Variants in XKR4 observed in about 807,000 individuals in gnomAD.
XKR4 encodes the protein XK-related protein 4.
A neutral mutation model predicts 53.9 loss-of-function variants in XKR4; 12 were observed. That is an observed-to-expected ratio of 0.22 (90% CI 0.14 to 0.36). The LOEUF (loss-of-function observed/expected upper bound fraction) is 0.36, where lower values mean the gene tolerates loss of function less well. Ranked by LOEUF, XKR4 falls within the 10% of genes least tolerant of loss-of-function variation. The probability of loss-of-function intolerance (pLI) is 1.00; values close to 1 mark genes in which losing one functional copy is unlikely to be tolerated. For missense variants in XKR4, 799 were observed against 859.5 expected (o/e 0.93, Z 0.88); for synonymous variants, 354 against 362.4 (o/e 0.98, Z 0.26).
rs1340993371 is a variant in XKR4, at chr8:55,536,447, G to T, written c.*12220G>T. The T allele has an allele frequency of 2.6e-5, 4 of 152,194 alleles. No individual in the cohort carries two copies. The highest frequency in any genetic ancestry group is 2.6e-4 in the Admixed American group (4 of 15,276). The allele number at this position is 152,194 out of a possible 1,614,324, so 9.4% of individuals were successfully genotyped here. On this transcript the variant is annotated 3_prime_UTR_variant, in exon 3 of 3. Transcript: ENST00000327381. ...AAAAATAAAGACTGTCCACATGACT[G>T]CAAATATCCTGATGAAAAGTGGCCA... is the stretch of plus-strand genomic sequence containing the variant.
At chr8:55,450,378 G>T in intron 2 of XKR4, 1 of 630,896 alleles carries the variant, frequency 1.6e-6, no homozygotes. Flanking sequence ...GGACCTCTGT[G>T]TCCTCGGGTG....
At chr8:55,491,506 G>C (rs1210517051) in intron 2 of XKR4, among the ~76,000 whole-genome samples, 3 of 149,314 alleles carry the variant, frequency 2.0e-5, no homozygotes, top group African/African-American at 7.6e-5. Context: ...AACACTGGTA[G>C]GGCACATCTG....
chr8:55,454,264 G>T, intron 2 of XKR4: 2 of 1,305,500 alleles, frequency 1.5e-6, no homozygotes, highest in Non-Finnish European at 2.2e-6. Flanking sequence ...CTACAATCAC[G>T]TCTAGCAGCT....
intron 2 of XKR4, among the ~76,000 whole-genome samples, chr8:55,387,038 C>T (rs1411150548): frequency 1.3e-5 from 2 of 152,176 alleles, no homozygotes; most frequent in African/African-American, 2.4e-5. Context: ...TAGCTGGGCT[C>T]TCTTTGTCTC....
chr8:55,392,499 A>G lies in XKR4; in HGVS notation c.1006+34622A>G, dbSNP rs977656434. On this transcript the variant is annotated intron_variant, in intron 2 of 2. Coordinates refer to ENST00000327381, the MANE Select transcript of XKR4 (RefSeq NM_052898.2). ...AAAGTACATTCGAGTTACTATTAAA[A>G]ATTAAAAGAGGCCGAGCATGGTGGT... Among the ~76,000 whole-genome samples, 5 of 152,198 alleles carry G rather than the reference A, an allele frequency of 3.3e-5. No homozygotes were observed. In the East Asian group the frequency reaches 9.6e-4, roughly 29 times the overall value.
chr8:55,303,684 T>G (rs1819242425), intron 1 of XKR4, among the ~76,000 whole-genome samples: 1 of 152,230 alleles, frequency 6.6e-6, no homozygotes, highest in East Asian at 1.9e-4. Flanking sequence ...AGCCTGTTAT[T>G]GGTCTATTCA....
At chr8:55,326,314 T>C (rs1400994718) in intron 1 of XKR4, among the ~76,000 whole-genome samples, 1 of 152,150 alleles carries the variant, frequency 6.6e-6, no homozygotes, top group African/African-American at 2.4e-5. Context: ...AAATTCTAGT[T>C]CTCACAATAA....
At chr8:55,489,365 C>A (rs1321998171) in intron 2 of XKR4, among the ~76,000 whole-genome samples, 2 of 151,636 alleles carry the variant, frequency 1.3e-5, no homozygotes, top group African/African-American at 4.8e-5. Context: ...ACCATGTTAC[C>A]CTTTCAAAAA....
rs1282548094 is a variant in XKR4, at chr8:55,535,257, G to A, written c.*11030G>A. 1 of 150,428 alleles carries A rather than the reference G, an allele frequency of 6.6e-6. No homozygotes were observed. Among genetic ancestry groups the A allele is most frequent in the African/African-American group, 2.5e-5 (1 of 40,810 alleles). The allele number at this position is 150,428 out of a possible 1,614,324, so 9.3% of individuals were successfully genotyped here. ...TATTATTATTATACTTTAAGTTTTAGGGTACATGTGCACAACGTGCAGGTT... is the reference window on the plus strand; with the variant it reads ...TATTATTATTATACTTTAAGTTTTAAGGTACATGTGCACAACGTGCAGGTT... On this transcript the variant is annotated 3_prime_UTR_variant, in exon 3 of 3. Transcript: ENST00000327381.
At chr8:55,491,077 G>C (rs1160807053) in intron 2 of XKR4, among the ~76,000 whole-genome samples, 3 of 151,984 alleles carry the variant, frequency 2.0e-5, no homozygotes, top group Non-Finnish European at 4.4e-5. Context: ...ATGTATTCAA[G>C]CTCACTGACT....
rs933909462 is a variant in XKR4, at chr8:55,478,779, A to C, written c.1007-44502A>C. On this transcript the variant is annotated intron_variant, in intron 2 of 2. Coordinates refer to ENST00000327381, the MANE Select transcript of XKR4 (RefSeq NM_052898.2). ...TCTCTGATAAAACAGACTTTAAACC[A>C]ACAGAGATCAAAAGAGACAAAGAAG... is the stretch of plus-strand genomic sequence containing the variant. Among the ~76,000 whole-genome samples the C allele has an allele frequency of 5.4e-4, 82 of 152,272 alleles. 1 individual carries two copies. The highest frequency in any genetic ancestry group is 1.9e-3 in the African/African-American group (79 of 41,522).
In XKR4 at chr8:55,234,851, G is replaced by A. The variant is rs200381698; in HGVS notation, c.807-122827G>A. 9.8e-5 allele frequency among the ~76,000 whole-genome samples: 15 copies of A among 152,316 alleles called. No individual in the cohort carries two copies. The East Asian group carries it at 2.9e-3, about 29-fold the overall frequency. On this transcript the variant is annotated intron_variant, in intron 1 of 2. Coordinates refer to ENST00000327381, the MANE Select transcript of XKR4 (RefSeq NM_052898.2). The stretch of plus-strand genomic sequence containing the variant: ...GGACATAGCGCAGACCCCTATGGCT[G>A]TGGAGGCTTCAGAGCAGGGTGACCG...
At chr8:55,361,538 G>A (rs1803908982) in intron 2 of XKR4, among the ~76,000 whole-genome samples, 2 of 151,944 alleles carry the variant, frequency 1.3e-5, no homozygotes, top group South Asian at 2.1e-4. Context: ...GCCGGACCAT[G>A]TGCACTCCCA....
intron 1 of XKR4, among the ~76,000 whole-genome samples, chr8:55,349,810 TAC>T (rs1803701319): frequency 6.6e-6 from 1 of 152,326 alleles, no homozygotes; most frequent in Admixed American, 6.5e-5. Context: ...TACCAATTAG[TAC>T]AGTCTTTCTA....
intron 2 of XKR4, among the ~76,000 whole-genome samples, chr8:55,367,511 G>A (rs956676939): frequency 5.9e-5 from 9 of 152,114 alleles, no homozygotes; most frequent in Non-Finnish European, 8.8e-5. Context: ...GCTGAGTCAT[G>A]GGGTACAGAC....
At chr8:55,145,286 CCTT>C in intron 1 of XKR4, among the ~76,000 whole-genome samples, 1 of 152,302 alleles carries the variant, frequency 6.6e-6, no homozygotes, top group Middle Eastern at 3.4e-3. Context: ...TACTCCATGT[CCTT>C]CTCTTCTTGA....
chr8:55,215,074 T>TA (rs34214148), intron 1 of XKR4, among the ~76,000 whole-genome samples: 76,419 of 145,846 alleles, frequency 0.52, 21,726 homozygotes, highest in Non-Finnish European at 0.66. Flanking sequence ...AGAGTATGGT[T>TA]AAAAAAAAAA....
intron 1 of XKR4, among the ~76,000 whole-genome samples, chr8:55,154,708 T>G (rs1298538679): frequency 6.6e-6 from 1 of 152,188 alleles, no homozygotes; most frequent in African/African-American, 2.4e-5. Context: ...ATCACAACCC[T>G]GCACTTTAAT....
intron 1 of XKR4, among the ~76,000 whole-genome samples, chr8:55,330,373 G>A (rs920027728): frequency 6.6e-6 from 1 of 152,054 alleles, no homozygotes; most frequent in Non-Finnish European, 1.5e-5. Flanking sequence ...TACCCCAGTA[G>A]CAAGAAATGT....
Sources: gnomAD v4.1 joint callset for allele counts (sites outside exome capture counted in the v4.1 genomes callset) on GRCh38, gnomAD v4.1.1 for gene constraint, MANE v1.5 for transcripts, NCBI Gene and HGNC (gene_info 2026-07-23, HGNC 2026-07-21) for gene names.